The following ZNF740 variants were observed in gnomAD, a reference collection of about 807,000 sequenced individuals.
ZNF740 encodes zinc finger protein 740.
A neutral mutation model predicts 24.8 loss-of-function variants in ZNF740; 14 were observed. That is an observed-to-expected ratio of 0.56 (90% CI 0.37 to 0.88). ZNF740 has a LOEUF of 0.88. ZNF740 is among the 40% of genes least tolerant of loss of function. The pLI is 0.00. For synonymous variants in ZNF740, 69 were observed against 84.0 expected (o/e 0.82, Z 0.98); for missense variants, 201 against 247.9 (o/e 0.81, Z 1.27).
chr12:53,186,713 G>C, intron 6 of ZNF740: 1 of 493,348 alleles, frequency 2.0e-6, no homozygotes, highest in Non-Finnish European at 3.7e-6. Flanking sequence ...AATAATAATA[G>C]CATTCCATAT....
chr12:53,186,329 C>A, intron 5 of ZNF740, 62 bp from the exon 6 acceptor site: 2 of 1,431,438 alleles, frequency 1.4e-6, no homozygotes, highest in Admixed American at 2.0e-5. Flanking sequence ...TCTGAGAAAA[C>A]TGGAATGAGG....
chr12:53,193,654 AG>A lies in ZNF740; in HGVS notation c.*6067del. ...GGAAAGCAGCGGAGGAATACGGGCC[AG>A]GGTTGGTTGGTTGTTGGGAGCCAGG... On this transcript the variant is annotated 3_prime_UTR_variant, in exon 7 of 7. Coordinates refer to ENST00000416904, the MANE Select transcript of ZNF740 (RefSeq NM_001004304.4). The A allele has an allele frequency of 6.8e-7, 1 of 1,476,454 alleles. No individual in the cohort carries two copies. Among genetic ancestry groups the A allele is most frequent in the Non-Finnish European group, 9.3e-7 (1 of 1,079,470 alleles). The allele number at this position is 1,476,454 out of a possible 1,614,324, so 91.5% of individuals were successfully genotyped here. A position where few individuals can be genotyped will look rare whatever the true frequency, so the allele number is the denominator to read the frequency against.
Position 53,181,881 on chromosome 12 carries a change from C to T in ZNF740, c.-103C>T, listed in dbSNP as rs957627124. On this transcript the variant is annotated 5_prime_UTR_variant, in exon 2 of 7. Transcript: ENST00000416904. Reference sequence around the variant, plus strand: ...CAGGACTGATGGGACACGAAGGAGTCGCTACCGTGATTTGGTGACAGTTCT... The same window carrying T: ...CAGGACTGATGGGACACGAAGGAGTTGCTACCGTGATTTGGTGACAGTTCT... 2.8e-6 allele frequency: 4 copies of T among 1,452,424 alleles called. No homozygotes were observed. The highest frequency in any genetic ancestry group is 2.8e-5 in the African/African-American group (2 of 70,870). The allele number at this position is 1,452,424 out of a possible 1,614,324, so 90.0% of individuals were successfully genotyped here. A position where few individuals can be genotyped will look rare whatever the true frequency, so the allele number is the denominator to read the frequency against.
rs1166131198 is a variant in ZNF740, at chr12:53,195,044, A to G, written c.*7454A>G. ...CTGTAAAATAGGGATGGTAACAGTT[A>G]TGAAGCAAGGCTTTTGGCAGGGTTA... On this transcript the variant is annotated 3_prime_UTR_variant, in exon 7 of 7. Coordinates refer to ENST00000416904, the MANE Select transcript of ZNF740 (RefSeq NM_001004304.4). 3.4e-6 allele frequency: 1 copy of G among 297,258 alleles called. No homozygotes were observed. The highest frequency in any genetic ancestry group is 6.4e-6 in the Non-Finnish European group (1 of 156,014). The allele number at this position is 297,258 out of a possible 1,614,324, so 18.4% of individuals were successfully genotyped here.
intron 2 of ZNF740, among the ~76,000 whole-genome samples, chr12:53,184,144 TGTGTGTGCGCGC>T (rs1237686618): frequency 3.8e-5 from 4 of 105,150 alleles, no homozygotes; most frequent in African/African-American, 1.5e-4. Flanking sequence ...TGTGTGTGTG[TGTGTGTGCGCGC>T]GCGCGCTCTG....
intron 2 of ZNF740, 46 bp from the exon 3 acceptor site, chr12:53,184,844 GC>G (rs768254956): frequency 1.3e-5 from 21 of 1,581,300 alleles, no homozygotes; most frequent in Non-Finnish European, 1.8e-5. Flanking sequence ...GTCTGTTTTT[GC>G]CCTGCCCTGC....
At chr12:53,186,273 C>T (rs768354872) in intron 5 of ZNF740, 118 bp from the exon 6 acceptor site, 15 of 1,162,664 alleles carry the variant, frequency 1.3e-5, no homozygotes, top group Non-Finnish European at 1.3e-5. Flanking sequence ...GACCTCTCCC[C>T]ATTTATGATC....
Position 53,194,426 on chromosome 12 carries a change from C to T in ZNF740, c.*6836C>T. ...ACCTTATGTCCTCTCCAGGTGTTCC[C>T]AATTCTGCCAGCACCCTGCCCTCTG... On this transcript the variant is annotated 3_prime_UTR_variant, in exon 7 of 7. Coordinates refer to ENST00000416904, the MANE Select transcript of ZNF740 (RefSeq NM_001004304.4). The T allele has an allele frequency of 7.0e-7, 1 of 1,421,874 alleles. No homozygotes were observed. The highest frequency in any genetic ancestry group is 9.7e-7 in the Non-Finnish European group (1 of 1,031,226). The allele number at this position is 1,421,874 out of a possible 1,614,324, so 88.1% of individuals were successfully genotyped here.
rs748710137 is a variant in ZNF740 at position 53,194,253 on chromosome 12, C to T, written c.*6663C>T. On this transcript the variant is annotated 3_prime_UTR_variant, in exon 7 of 7. Transcript: ENST00000416904. ...TCCTCGATCCTCAGCCTTACCCTCC[C>T]TCTTCTCAGGACCCTCACACTGGGA... 1.2e-6 allele frequency: 2 copies of T among 1,614,122 alleles called. No individual in the cohort carries two copies. The highest frequency in any genetic ancestry group is 1.3e-5 in the African/African-American group (1 of 75,004).
rs1942061064 is a variant in ZNF740, at chr12:53,193,850, G to A, written c.*6260G>A. 1.9e-6 allele frequency: 3 copies of A among 1,614,042 alleles called. No homozygotes were observed. The highest frequency in any genetic ancestry group is 1.7e-6 in the Non-Finnish European group (2 of 1,179,972). Reference sequence around the variant, plus strand: ...AAGCCAAGGGCCCGGAGCCTCAGGAGATGGGGCTCTGGGAGGCAGTGGGTG... The same window carrying A: ...AAGCCAAGGGCCCGGAGCCTCAGGAAATGGGGCTCTGGGAGGCAGTGGGTG... On this transcript the variant is annotated 3_prime_UTR_variant, in exon 7 of 7. Coordinates refer to ENST00000416904, the MANE Select transcript of ZNF740 (RefSeq NM_001004304.4).
chr12:53,192,839 C>T lies in ZNF740; in HGVS notation c.*5249C>T. On this transcript the variant is annotated 3_prime_UTR_variant, in exon 7 of 7. Coordinates refer to ENST00000416904, the MANE Select transcript of ZNF740 (RefSeq NM_001004304.4). ...GGACTGATGCAACTGTCCATGTCCCCACTGCATTCGCATGCTCTGCCCGTG... is the reference window on the plus strand; with the variant it reads ...GGACTGATGCAACTGTCCATGTCCCTACTGCATTCGCATGCTCTGCCCGTG... 1 of 1,614,224 alleles carries T rather than the reference C, an allele frequency of 6.2e-7. No individual in the cohort carries two copies. The highest frequency in any genetic ancestry group is 1.1e-5 in the South Asian group (1 of 91,088).
At position 53,191,886 on chromosome 12, in the gene ZNF740, C is replaced by T. The variant is rs267603534; in HGVS notation, c.*4296C>T. On this transcript the variant is annotated 3_prime_UTR_variant, in exon 7 of 7. Transcript: ENST00000416904. ...GCTTCCAGTTGAGTTGTTGCTGCTC[C>T]TTCTCAAAGCGACTGTATTCCCGGC... 8.9e-5 allele frequency: 144 copies of T among 1,613,148 alleles called. No homozygotes were observed. Among genetic ancestry groups the T allele is most frequent in the Admixed American group, 3.2e-4 (19 of 59,986 alleles).
chr12:53,192,204 CT>C lies in ZNF740; in HGVS notation c.*4617del. 1 of 1,248,412 alleles carries C rather than the reference CT, an allele frequency of 8.0e-7. No individual in the cohort carries two copies. 77.3% of individuals were successfully genotyped at this position (1,248,412 alleles called of 1,614,324 possible). ...CGTCCACTTGCTCAATTGCCTCTGC[CT>C]TTGTCCTGGATTCACAGTTCTGCTT... On this transcript the variant is annotated 3_prime_UTR_variant, in exon 7 of 7. Transcript: ENST00000416904.
chr12:53,181,355 C>G, intron 1 of ZNF740: 1 of 985,452 alleles, frequency 1.0e-6, no homozygotes, highest in Non-Finnish European at 1.2e-6. Context: ...AAAGTGCGAG[C>G]TTTTCGGGCC....
Position 53,194,354 on chromosome 12 carries a change from G to T in ZNF740, c.*6764G>T, listed in dbSNP as rs374421276. The T allele has an allele frequency of 6.2e-7, 1 of 1,613,626 alleles. No homozygotes were observed. The highest frequency in any genetic ancestry group is 8.5e-7 in the Non-Finnish European group (1 of 1,179,766). On this transcript the variant is annotated 3_prime_UTR_variant, in exon 7 of 7. Coordinates refer to ENST00000416904, the MANE Select transcript of ZNF740 (RefSeq NM_001004304.4). ...CGGTGGAAGACAGGCTCTATGGGAAGAGAGCGAGTGGATAACCACGTGAAG... is the reference window on the plus strand; with the variant it reads ...CGGTGGAAGACAGGCTCTATGGGAATAGAGCGAGTGGATAACCACGTGAAG...
At chr12:53,185,616 C>T in intron 4 of ZNF740, 140 bp downstream of exon 4, 1 of 778,116 alleles carries the variant, frequency 1.3e-6, no homozygotes, top group Non-Finnish European at 2.1e-6. Flanking sequence ...CCCCAGATTT[C>T]ATCCAGAGAC....
chr12:53,181,886 C>T lies in ZNF740; in HGVS notation c.-98C>T. ...CTGATGGGACACGAAGGAGTCGCTA[C>T]CGTGATTTGGTGACAGTTCTTCAAA... On this transcript the variant is annotated 5_prime_UTR_variant, in exon 2 of 7. Transcript: ENST00000416904. 1.3e-6 allele frequency: 2 copies of T among 1,490,222 alleles called. No homozygotes were observed. Among genetic ancestry groups the T allele is most frequent in the Non-Finnish European group, 1.8e-6 (2 of 1,090,468 alleles). The allele number at this position is 1,490,222 out of a possible 1,614,324, so 92.3% of individuals were successfully genotyped here.
At position 53,194,397 on chromosome 12, in the gene ZNF740, C is replaced by T; in HGVS notation, c.*6807C>T. 6.3e-7 allele frequency: 1 copy of T among 1,579,660 alleles called. No individual in the cohort carries two copies. The highest frequency in any genetic ancestry group is 1.1e-5 in the South Asian group (1 of 88,688). On this transcript the variant is annotated 3_prime_UTR_variant, in exon 7 of 7. Transcript: ENST00000416904. ...ACGTGAAGGCAGAAAAGGACTCCAA[C>T]CCCACCTTATGTCCTCTCCAGGTGT...
rs553468078 is a variant in ZNF740, at chr12:53,194,530, C to A, written c.*6940C>A. 1.2e-3 allele frequency: 681 copies of A among 581,790 alleles called. 14 individuals carry two copies. In the South Asian group the frequency reaches 0.012, roughly 10 times the overall value. The allele number at this position is 581,790 out of a possible 1,614,324, so 36.0% of individuals were successfully genotyped here. On this transcript the variant is annotated 3_prime_UTR_variant, in exon 7 of 7. Coordinates refer to ENST00000416904, the MANE Select transcript of ZNF740 (RefSeq NM_001004304.4). ...CCGTGAGAACCTTGCATAGAACATA[C>A]AGGATCCAGAGGCCTCTAATACAGC...
Sources: gnomAD v4.1 joint callset for allele counts (sites outside exome capture counted in the v4.1 genomes callset) on GRCh38, gnomAD v4.1.1 for gene constraint, MANE v1.5 for transcripts, NCBI Gene and HGNC (gene_info 2026-07-23, HGNC 2026-07-21) for gene names.